The following PAPPA2 variants were observed in gnomAD, a reference collection of about 807,000 sequenced individuals.
PAPPA2 encodes pappalysin-2.
In PAPPA2, 86 loss-of-function variants were observed where a neutral mutation model predicts 176.4. That is an observed-to-expected ratio of 0.49 (90% CI 0.41 to 0.58). PAPPA2 has a LOEUF of 0.58. PAPPA2 is among the 20% of genes least tolerant of loss of function. PAPPA2 has a pLI of 0.00. For synonymous variants in PAPPA2, 809 were observed against 852.2 expected (o/e 0.95, Z 0.88); for missense variants, 2,073 against 2,256.9 (o/e 0.92, Z 1.65).
chr1:176,752,344 A>T (rs1663221183), intron 14 of PAPPA2, among the ~76,000 whole-genome samples: 1 of 50,350 alleles, frequency 2.0e-5, no homozygotes, highest in African/African-American at 1.3e-4. Flanking sequence ...GAGTATAATA[A>T]AAAAAAAAAA....
intron 21 of PAPPA2, among the ~76,000 whole-genome samples, chr1:176,829,660 C>T (rs1667010342): frequency 6.6e-6 from 1 of 152,244 alleles, no homozygotes; most frequent in Non-Finnish European, 1.5e-5. Flanking sequence ...TTCCTTTCTT[C>T]CCTCAGCTGC....
chr1:176,538,048 C>T lies in PAPPA2; in HGVS notation c.-916-17359C>T, dbSNP rs180964294. Among the ~76,000 whole-genome samples the T allele has an allele frequency of 3.9e-5, 6 of 152,236 alleles. No homozygotes were observed. The East Asian group carries it at 1.2e-3, about 29-fold the overall frequency. ...ACCCTGAAAAGCTTTAAGGAAGACT[C>T]TCGCCTCAACTCTGCTTATTCACCT... is the stretch of plus-strand genomic sequence containing the variant. On this transcript the variant is annotated intron_variant, in intron 1 of 22. Transcript: ENST00000367662.
rs781174662 is a variant in PAPPA2 at position 176,768,977 on chromosome 1, C to T, written c.4324-630C>T. ...ATTTGAGAGAATTTAATCAAGAGAC[C>T]ACTCATAAATGTGCAGGCAGGATAT... On this transcript the variant is annotated intron_variant, in intron 15 of 22. Transcript: ENST00000367662. 5.0e-4 allele frequency among the ~76,000 whole-genome samples: 76 copies of T among 152,280 alleles called. No individual in the cohort carries two copies. The Middle Eastern group carries it at 0.014, about 27-fold the overall frequency.
At chr1:176,491,356 G>C (rs1647282908) in intron 1 of PAPPA2, among the ~76,000 whole-genome samples, 1 of 152,184 alleles carries the variant, frequency 6.6e-6, no homozygotes, top group South Asian at 2.1e-4. Context: ...AGAGGAGTTG[G>C]GAGCTGTCTT....
chr1:176,693,040 TA>T (rs1660192208), intron 6 of PAPPA2, among the ~76,000 whole-genome samples: 1 of 152,176 alleles, frequency 6.6e-6, no homozygotes, highest in African/African-American at 2.4e-5. Flanking sequence ...GAATAACAGA[TA>T]AATTTTTGTA....
chr1:176,727,587 G>A (rs571056421), intron 12 of PAPPA2, among the ~76,000 whole-genome samples: 1 of 152,066 alleles, frequency 6.6e-6, no homozygotes, highest in African/African-American at 2.4e-5. Context: ...GAACTAATGA[G>A]CAAACAGCCA....
intron 1 of PAPPA2, among the ~76,000 whole-genome samples, chr1:176,549,503 G>T (rs1353477364): frequency 6.6e-6 from 1 of 152,252 alleles, no homozygotes; most frequent in Admixed American, 6.5e-5. Flanking sequence ...ATAGCTCAGA[G>T]AAGTTCATTA....
At chr1:176,507,150 A>G (rs1041511430) in intron 1 of PAPPA2, among the ~76,000 whole-genome samples, 1 of 152,188 alleles carries the variant, frequency 6.6e-6, no homozygotes, top group Admixed American at 6.6e-5. Context: ...CACTGCTCCA[A>G]AGAAGACATA....
chr1:176,503,471 G>T (rs2102512102), intron 1 of PAPPA2, among the ~76,000 whole-genome samples: 1 of 152,254 alleles, frequency 6.6e-6, no homozygotes, highest in African/African-American at 2.4e-5. Flanking sequence ...CAGTGATTAG[G>T]AAGTAGACAT....
chr1:176,572,250 T>C (rs902064234), intron 2 of PAPPA2, among the ~76,000 whole-genome samples: 2 of 152,238 alleles, frequency 1.3e-5, no homozygotes, highest in Admixed American at 1.3e-4. Context: ...TGTATGGCTT[T>C]AGTCCTTACT....
intron 12 of PAPPA2, among the ~76,000 whole-genome samples, chr1:176,733,552 A>G (rs959770014): frequency 6.6e-6 from 1 of 152,142 alleles, no homozygotes; most frequent in Admixed American, 6.5e-5. Context: ...CCAGTCCCAG[A>G]CATGGCAACT....
At chr1:176,739,577 G>C (rs766559175) in intron 12 of PAPPA2, 49 bp from the exon 13 acceptor site, 1 of 1,571,214 alleles carries the variant, frequency 6.4e-7, no homozygotes, top group Non-Finnish European at 8.7e-7. Context: ...CACATGTCTT[G>C]ATAGCTCAAT....
rs1008452906 is a variant in PAPPA2, at chr1:176,630,410, A to G, written c.1991+34815A>G. ...GGTTTGTAAAGCTAGAGTAAAGGAT[A>G]TATTTGGGAAAAGGCTGATGATGGT... On this transcript the variant is annotated intron_variant, in intron 3 of 22. Transcript: ENST00000367662. Among the ~76,000 whole-genome samples the G allele has an allele frequency of 5.3e-5, 8 of 152,216 alleles. No homozygotes were observed. The East Asian group carries it at 1.2e-3, about 22-fold the overall frequency.
intron 2 of PAPPA2, among the ~76,000 whole-genome samples, chr1:176,581,828 T>C (rs1166910116): frequency 6.6e-6 from 1 of 151,898 alleles, no homozygotes; most frequent in Non-Finnish European, 1.5e-5. Context: ...CTTTACTGAA[T>C]TTATCAGTTA....
intron 21 of PAPPA2, among the ~76,000 whole-genome samples, chr1:176,835,513 TTTGTTG>T (rs572609875): frequency 1.3e-5 from 2 of 151,938 alleles, no homozygotes; most frequent in South Asian, 4.2e-4. Context: ...CCTTTCATCT[TTTGTTG>T]TTGTTGTTGT....
At chr1:176,717,139 A>G (rs950409889) in intron 12 of PAPPA2, among the ~76,000 whole-genome samples, 2 of 152,190 alleles carry the variant, frequency 1.3e-5, no homozygotes, top group Non-Finnish European at 2.9e-5. Context: ...AGTATCTAAT[A>G]TCTGAGAGGG....
At position 176,524,424 on chromosome 1, in the gene PAPPA2, A is replaced by C. The variant is rs963190758; in HGVS notation, c.-916-30983A>C. Among the ~76,000 whole-genome samples the C allele has an allele frequency of 1.1e-4, 16 of 152,338 alleles. No individual in the cohort carries two copies. The East Asian group carries it at 2.3e-3, about 22-fold the overall frequency. On this transcript the variant is annotated intron_variant, in intron 1 of 22. Transcript: ENST00000367662. Reference sequence around the variant, plus strand: ...GCACATTTTAATGAATTTTTTTCTTAAATTTTCAAAGAAAACAGCATTATA... The same window carrying C: ...GCACATTTTAATGAATTTTTTTCTTCAATTTTCAAAGAAAACAGCATTATA...
At chr1:176,799,215 G>A (rs1665566032) in intron 20 of PAPPA2, among the ~76,000 whole-genome samples, 1 of 151,922 alleles carries the variant, frequency 6.6e-6, no homozygotes. Flanking sequence ...ACCTGCCATG[G>A]GACTTTCTTT....
Position 176,750,996 on chromosome 1 carries a change from C to G in PAPPA2, c.4151+10800C>G, listed in dbSNP as rs370101337. 6.7e-4 allele frequency among the ~76,000 whole-genome samples: 102 copies of G among 151,954 alleles called. 1 individual carries two copies. In the South Asian group the frequency reaches 0.021, roughly 31 times the overall value. On this transcript the variant is annotated intron_variant, in intron 14 of 22. Transcript: ENST00000367662. ...TAGGTCTAACGTTTAAATCTTTAATCCATCTTGAATTGATTTTTGTATAAG... is the reference window on the plus strand; with the variant it reads ...TAGGTCTAACGTTTAAATCTTTAATGCATCTTGAATTGATTTTTGTATAAG...
Sources: allele counts gnomAD v4.1 joint callset (sites outside exome capture counted in the v4.1 genomes callset), GRCh38; gene constraint gnomAD v4.1.1; transcripts MANE v1.5; gene names NCBI Gene and HGNC (gene_info 2026-07-23, HGNC 2026-07-21).